CNTN2: variants seen among roughly 807,000 people sequenced by gnomAD.
The protein encoded by CNTN2 is contactin-2.
In CNTN2, 53 loss-of-function variants were observed where a neutral mutation model predicts 117.5. The observed-to-expected ratio is 0.45, with a 90% CI of 0.36 to 0.57. The LOEUF (loss-of-function observed/expected upper bound fraction) is 0.57, where lower values mean the gene tolerates loss of function less well. Among genes scored for constraint, CNTN2 ranks in the 20% least tolerant of loss-of-function variants. CNTN2 has a pLI of 0.00. For synonymous variants in CNTN2, 530 were observed against 561.7 expected (o/e 0.94, Z 0.80); for missense variants, 1,106 against 1,404.3 (o/e 0.79, Z 3.39).
chr1:205,062,454 G>A lies in CNTN2; in HGVS notation c.1125G>A (p.Val375=), dbSNP rs758300776. Residue 375 remains valine (V), a synonymous_variant, in exon 10 of 23, where the codon GTG becomes GTA. Transcript: ENST00000331830. ...CTTCTGCACAGAACCGGGTGGAGGTGTTGGCTGGGGACCTGCGGTTCTCCA... is the reference window on the plus strand; with the variant it reads ...CTTCTGCACAGAACCGGGTGGAGGTATTGGCTGGGGACCTGCGGTTCTCCA... The part of the protein sequence containing the change: ...EPLASQNRVE[V]LAGDLRFSKL... 1.7e-5 allele frequency: 27 copies of A among 1,613,718 alleles called. No homozygotes were observed. In the East Asian group the frequency reaches 4.5e-4, roughly 27 times the overall value.
rs1380526589 is a variant in CNTN2 at position 205,070,066 on chromosome 1, G to A, written c.2431+5G>A. On this transcript the variant is annotated splice_donor_5th_base_variant and intron_variant, in intron 18 of 22. Transcript: ENST00000331830. ...TCGTGTACTCAGCTGAGGAAGGTGG[G>A]CTGCCCCTGGGCCCCCTGCTCGTCC... 1 of 1,613,046 alleles carries A rather than the reference G, an allele frequency of 6.2e-7. No homozygotes were observed. Among genetic ancestry groups the A allele is most frequent in the South Asian group, 1.1e-5 (1 of 91,076 alleles).
In CNTN2 at chr1:205,074,758, C is replaced by T. The variant is rs569976323; in HGVS notation, c.*993C>T. ...TCTGCTCTCCCAGCACTGACTCACT[C>T]CTGCCTGGGAGGGGAATGCAGCATT... is the stretch of plus-strand genomic sequence containing the variant. On this transcript the variant is annotated 3_prime_UTR_variant, in exon 23 of 23. Transcript: ENST00000331830. The T allele has an allele frequency of 8.0e-4, 320 of 398,836 alleles. 1 individual carries two copies. In the Admixed American group the frequency reaches 0.012, roughly 15 times the overall value. The allele number at this position is 398,836 out of a possible 1,614,324, so 24.7% of individuals were successfully genotyped here. A position where few individuals can be genotyped will look rare whatever the true frequency, so the allele number is the denominator to read the frequency against.
intron 11 of CNTN2, 33 bp from the exon 12 acceptor site, chr1:205,064,590 G>A (rs751900340): frequency 6.2e-6 from 10 of 1,610,144 alleles, no homozygotes; most frequent in Non-Finnish European, 8.5e-6. Flanking sequence ...AACCATGCCT[G>A]AGTTGGCCAC....
upstream of CNTN2, chr1:205,043,079 A>AG (rs1201935230): frequency 2.6e-5 from 1 of 38,982 alleles, no homozygotes; most frequent in Non-Finnish European, 5.5e-5. Flanking sequence ...GTGGGGTGGG[A>AG]GGGGGGCAGA....
In CNTN2 at chr1:205,059,337, G is replaced by A; in HGVS notation, c.697+44G>A. The A allele has an allele frequency of 6.4e-7, 1 of 1,566,598 alleles. No individual in the cohort carries two copies. The highest frequency in any genetic ancestry group is 8.7e-7 in the Non-Finnish European group (1 of 1,144,244). ...TGGCTGGAGGGAGGGAACTGGAAGGGTCAGCGGGCATTAGGAAAAGGGTTT... is the reference window on the plus strand; with the variant it reads ...TGGCTGGAGGGAGGGAACTGGAAGGATCAGCGGGCATTAGGAAAAGGGTTT... On this transcript the variant is annotated intron_variant, in intron 6 of 22. Transcript: ENST00000331830. The surrounding 1 kb of genome is among the most constrained non-coding windows in gnomAD (Gnocchi z 5.6).
At chr1:205,056,423 T>C (rs1469771137) in intron 2 of CNTN2, among the ~76,000 whole-genome samples, 1 of 152,098 alleles carries the variant, frequency 6.6e-6, no homozygotes, top group Non-Finnish European at 1.5e-5. Flanking sequence ...GGGGCGGCAG[T>C]GAGGGAGAAT....
chr1:205,058,824 C>T lies in CNTN2; in HGVS notation c.487+161C>T. 1.3e-5 allele frequency: 9 copies of T among 678,210 alleles called. 1 individual carries two copies. In the South Asian group the frequency reaches 1.7e-4, roughly 13 times the overall value. The allele number at this position is 678,210 out of a possible 1,614,324, so 42.0% of individuals were successfully genotyped here. ...AATGATCTGTGTTTCCTTTATAGGT[C>T]TGTCACTTTCCATCGTTGTGCCCTG... On this transcript the variant is annotated intron_variant, in intron 5 of 22. Coordinates refer to ENST00000331830, the MANE Select transcript of CNTN2 (RefSeq NM_005076.5). This position sits in a 1 kb window ranked among gnomAD's most constrained non-coding sequence, Gnocchi z 4.3.
chr1:205,074,737 C>T lies in CNTN2; in HGVS notation c.*972C>T, dbSNP rs1654776514. 1 of 399,008 alleles carries T rather than the reference C, an allele frequency of 2.5e-6. No individual in the cohort carries two copies. The highest frequency in any genetic ancestry group is 4.4e-6 in the Non-Finnish European group (1 of 226,258). The allele number at this position is 399,008 out of a possible 1,614,324, so 24.7% of individuals were successfully genotyped here. A position where few individuals can be genotyped will look rare whatever the true frequency, so the allele number is the denominator to read the frequency against. On this transcript the variant is annotated 3_prime_UTR_variant, in exon 23 of 23. Transcript: ENST00000331830. Reference sequence around the variant, plus strand: ...CCCCGACCTGCAGCCCCAGACTCTGCTCTCCCAGCACTGACTCACTCCTGC... The same window carrying T: ...CCCCGACCTGCAGCCCCAGACTCTGTTCTCCCAGCACTGACTCACTCCTGC...
chr1:205,072,182 G>A (rs1654629763), intron 20 of CNTN2, 49 bp downstream of exon 20: 9 of 1,529,452 alleles, frequency 5.9e-6, no homozygotes, highest in Middle Eastern at 4.7e-4. Flanking sequence ...TTGGAGGGTG[G>A]GTGCCTCTGA....
At position 205,059,077 on chromosome 1, in the gene CNTN2, A is replaced by G. The variant is rs1353036297; in HGVS notation, c.488-7A>G. ...CCCCTGGTTTCCTCAAACTCCTCACATCCTAGGCTTGTCCTACCGCTGGCT... is the reference window on the plus strand; with the variant it reads ...CCCCTGGTTTCCTCAAACTCCTCACGTCCTAGGCTTGTCCTACCGCTGGCT... On this transcript the variant is annotated splice_polypyrimidine_tract_variant and splice_region_variant and intron_variant, in intron 5 of 22. Transcript: ENST00000331830. This position sits in a 1 kb window ranked among gnomAD's most constrained non-coding sequence, Gnocchi z 5.6. 1 of 1,614,036 alleles carries G rather than the reference A, an allele frequency of 6.2e-7. No homozygotes were observed. Among genetic ancestry groups the G allele is most frequent in the Admixed American group, 1.7e-5 (1 of 60,016 alleles).
intron 2 of CNTN2, 65 bp downstream of exon 2, chr1:205,053,320 G>A: frequency 7.4e-7 from 1 of 1,359,360 alleles, no homozygotes; most frequent in Non-Finnish European, 1.0e-6. Flanking sequence ...TCCTTGCTAT[G>A]ATTTGGGTGA....
intron 20 of CNTN2, 89 bp from the exon 21 acceptor site, chr1:205,072,394 A>G: frequency 8.8e-7 from 1 of 1,140,196 alleles, no homozygotes; most frequent in Non-Finnish European, 1.3e-6. Context: ...GCTAGAGGCA[A>G]ACATCCAGAG....
Position 205,074,673 on chromosome 1 carries a change from C to T in CNTN2, c.*908C>T, listed in dbSNP as rs1025434922. 1.8e-5 allele frequency: 7 copies of T among 399,178 alleles called. No individual in the cohort carries two copies. The highest frequency in any genetic ancestry group is 1.3e-4 in the South Asian group (1 of 7,854). 24.7% of individuals were successfully genotyped at this position (399,178 alleles called of 1,614,324 possible). A position where few individuals can be genotyped will look rare whatever the true frequency, so the allele number is the denominator to read the frequency against. On this transcript the variant is annotated 3_prime_UTR_variant, in exon 23 of 23. Transcript: ENST00000331830. ...TTTGGGCAGGAGATGGCCAATCATGCGCCCACCTCTCCAGTGCTGCCTGCA... is the reference window on the plus strand; with the variant it reads ...TTTGGGCAGGAGATGGCCAATCATGTGCCCACCTCTCCAGTGCTGCCTGCA...
In CNTN2 at chr1:205,063,315, G is replaced by C. The variant is rs142718421; in HGVS notation, c.1240+746G>C. 4 of 152,304 alleles carry C rather than the reference G, an allele frequency of 2.6e-5. No homozygotes were observed. In the East Asian group the frequency reaches 7.7e-4, roughly 29 times the overall value. The allele number at this position is 152,304 out of a possible 1,614,324, so 9.4% of individuals were successfully genotyped here. On this transcript the variant is annotated intron_variant, in intron 10 of 22. Coordinates refer to ENST00000331830, the MANE Select transcript of CNTN2 (RefSeq NM_005076.5). ...TCAAACAATTAAATAATTTCAGCTA[G>C]CCATCAAATATAGTATAAAGAAAAT...
intron 2 of CNTN2, among the ~76,000 whole-genome samples, chr1:205,054,393 G>C (rs1177411669): frequency 6.6e-6 from 1 of 152,200 alleles, no homozygotes; most frequent in African/African-American, 2.4e-5. Flanking sequence ...GACTCAGAGT[G>C]TGGGGCGAGC....
Position 205,061,277 on chromosome 1 carries a change from A to G in CNTN2, c.830A>G (p.Asp277Gly). The part of the protein sequence containing the change: ...PVPRIKWRKV[D>G]GSLSPQWTTA... Reference sequence around the variant, plus strand: ...CCCCGGATCAAGTGGCGCAAAGTGGACGGCTCCCTGTCCCCGCAGTGGACC... The same window carrying G: ...CCCCGGATCAAGTGGCGCAAAGTGGGCGGCTCCCTGTCCCCGCAGTGGACC... The change falls in exon 8 of 23, where the codon GAC (aspartate) becomes GGC (glycine). Residue 277 changes from aspartate to glycine, a missense_variant. Physicochemically the swap from Asp to Gly is moderately conservative, Grantham distance 94 (BLOSUM62 -1). Transcript: ENST00000331830. The surrounding 1 kb of genome is among the most constrained non-coding windows in gnomAD (Gnocchi z 4.8). 2 of 1,613,322 alleles carry G rather than the reference A, an allele frequency of 1.2e-6. No homozygotes were observed. The highest frequency in any genetic ancestry group is 1.7e-6 in the Non-Finnish European group (2 of 1,179,510).
rs952476278 is a variant in CNTN2, at chr1:205,059,124, C to T, written c.528C>T (p.Phe176=). ...YRWLLNEFPN[F]IPTDGRHFVS... ...GGCTCCTCAACGAGTTCCCCAACTT[C>T]ATCCCGACGGACGGGCGTCACTTCG... is the stretch of plus-strand genomic sequence containing the variant. The change falls in exon 6 of 23, where the codon TTC becomes TTT. Residue 176 remains phenylalanine (F), a synonymous_variant. Coordinates refer to ENST00000331830, the MANE Select transcript of CNTN2 (RefSeq NM_005076.5). The surrounding 1 kb of genome is among the most constrained non-coding windows in gnomAD (Gnocchi z 5.6). The T allele has an allele frequency of 9.9e-6, 16 of 1,614,214 alleles. No individual in the cohort carries two copies. Among genetic ancestry groups the T allele is most frequent in the Non-Finnish European group, 1.4e-5 (16 of 1,180,044 alleles).
In CNTN2 at chr1:205,065,796, C is replaced by T; in HGVS notation, c.1703C>T (p.Thr568Ile). ...GHYRRTNVKE[T>I]IGDLTILNAQ... ...AACTGTCCCCGTGTGCAGAAGGAGA[C>T]CATTGGGGATCTGACCATCCTGAAC... Residue 568 changes from threonine to isoleucine, a missense_variant, in exon 14 of 23, where the codon ACC becomes ATC. By Grantham distance (89) the Thr-to-Ile change is moderately conservative. Transcript: ENST00000331830. This position sits in a 1 kb window ranked among gnomAD's most constrained non-coding sequence, Gnocchi z 4.1. 7.1e-7 allele frequency: 1 copy of T among 1,404,064 alleles called. No individual in the cohort carries two copies. The allele number at this position is 1,404,064 out of a possible 1,614,324, so 87.0% of individuals were successfully genotyped here.
At chr1:205,049,490 ACG>A (rs918645983) in intron 1 of CNTN2, among the ~76,000 whole-genome samples, 5 of 152,108 alleles carry the variant, frequency 3.3e-5, no homozygotes, top group African/African-American at 1.2e-4. Flanking sequence ...TGGGACACAG[ACG>A]CGCACACACA....
Sources: allele counts gnomAD v4.1 joint callset (sites outside exome capture counted in the v4.1 genomes callset), GRCh38; gene constraint gnomAD v4.1.1; non-coding constraint Gnocchi (gnomAD v3.1); transcripts MANE v1.5; gene names NCBI Gene and HGNC (gene_info 2026-07-23, HGNC 2026-07-21).